The following CARMIL1 variants were observed in gnomAD, a reference collection of about 807,000 sequenced individuals.
CARMIL1 encodes capping protein regulator and myosin 1 linker 1.
CARMIL1 carries 90 observed loss-of-function variants against 177.1 expected under a neutral mutation model. The observed-to-expected ratio is 0.51, with a 90% CI of 0.43 to 0.61. CARMIL1 has a LOEUF of 0.61. CARMIL1 is among the 20% of genes least tolerant of loss of function. The pLI is 0.00. For synonymous variants in CARMIL1, 577 were observed against 606.2 expected (o/e 0.95, Z 0.71); for missense variants, 1,380 against 1,667.0 (o/e 0.83, Z 3.00).
intron 2 of CARMIL1, among the ~76,000 whole-genome samples, chr6:25,352,199 C>T (rs2150362080): frequency 6.6e-6 from 1 of 151,772 alleles, no homozygotes; most frequent in Middle Eastern, 3.4e-3. Context: ...ACATAAATGA[C>T]CCCAGATAAC....
intron 26 of CARMIL1, among the ~76,000 whole-genome samples, chr6:25,540,673 G>A (rs544815303): frequency 4.6e-4 from 70 of 152,254 alleles, no homozygotes; most frequent in African/African-American, 1.3e-3. Flanking sequence ...TCAAGAAACA[G>A]CTACACTAGA....
chr6:25,512,946 G>C (rs1805602122), intron 20 of CARMIL1, among the ~76,000 whole-genome samples: 1 of 152,156 alleles, frequency 6.6e-6, no homozygotes, highest in Non-Finnish European at 1.5e-5. Context: ...GAAATAGTAA[G>C]ATTTCAAATA....
At chr6:25,544,828 G>A (rs997970331) in intron 26 of CARMIL1, among the ~76,000 whole-genome samples, 16 of 152,186 alleles carry the variant, frequency 1.1e-4, no homozygotes, top group African/African-American at 3.1e-4. Flanking sequence ...CTGAAAGTGA[G>A]TGTATAAGTT....
intron 8 of CARMIL1, among the ~76,000 whole-genome samples, chr6:25,463,701 C>T (rs1800318215): frequency 6.6e-6 from 1 of 152,078 alleles, no homozygotes; most frequent in South Asian, 2.1e-4. Flanking sequence ...GAAGCTACAA[C>T]CTGTAATTAG....
intron 17 of CARMIL1, among the ~76,000 whole-genome samples, chr6:25,503,409 A>C (rs2151028353): frequency 6.6e-6 from 1 of 152,320 alleles, no homozygotes; most frequent in African/African-American, 2.4e-5. Flanking sequence ...CTAGATGTCC[A>C]CATTTAAGTA....
At chr6:25,356,030 C>A (rs1005410467) in intron 2 of CARMIL1, among the ~76,000 whole-genome samples, 4 of 150,008 alleles carry the variant, frequency 2.7e-5, no homozygotes, top group Non-Finnish European at 4.4e-5. Flanking sequence ...TTTGGCTGGA[C>A]TTTCCTCCTT....
intron 4 of CARMIL1, among the ~76,000 whole-genome samples, chr6:25,429,425 T>G (rs983118900): frequency 6.6e-6 from 1 of 152,160 alleles, no homozygotes; most frequent in Admixed American, 6.5e-5. Flanking sequence ...CAATGAAACA[T>G]CTAATAGGCT....
chr6:25,426,706 A>C lies in CARMIL1; in HGVS notation c.249+146A>C, dbSNP rs975920044. 8.0e-5 allele frequency: 49 copies of C among 614,182 alleles called. 1 individual carries two copies. In the South Asian group the frequency reaches 1.2e-3, roughly 15 times the overall value. 38.0% of individuals were successfully genotyped at this position (614,182 alleles called of 1,614,324 possible). A position where few individuals can be genotyped will look rare whatever the true frequency, so the allele number is the denominator to read the frequency against. On this transcript the variant is annotated intron_variant, in intron 4 of 36. Coordinates refer to ENST00000329474, the MANE Select transcript of CARMIL1 (RefSeq NM_017640.6). ...GAGACTCAACACTGGCTGTGTGGACAGGAGTTGGGAATTCATTCTGATAAG... is the reference window on the plus strand; with the variant it reads ...GAGACTCAACACTGGCTGTGTGGACCGGAGTTGGGAATTCATTCTGATAAG...
intron 26 of CARMIL1, among the ~76,000 whole-genome samples, chr6:25,544,061 G>A (rs1562270066): frequency 6.6e-6 from 1 of 152,174 alleles, no homozygotes; most frequent in Non-Finnish European, 1.5e-5. Context: ...GTTGTCTGAA[G>A]GTAGTAAAAC....
chr6:25,298,857 C>T (rs1319244911), intron 2 of CARMIL1, among the ~76,000 whole-genome samples: 1 of 151,056 alleles, frequency 6.6e-6, no homozygotes, highest in Non-Finnish European at 1.5e-5. Flanking sequence ...TGGGTTCAAG[C>T]GATTCTCCTG....
At chr6:25,323,558 A>G (rs1266806690) in intron 2 of CARMIL1, among the ~76,000 whole-genome samples, 1 of 152,128 alleles carries the variant, frequency 6.6e-6, no homozygotes, top group Non-Finnish European at 1.5e-5. Context: ...GCCATGAGCT[A>G]TGATCACACC....
intron 23 of CARMIL1, 82 bp from the exon 24 acceptor site, chr6:25,528,713 C>A: frequency 9.7e-7 from 1 of 1,032,498 alleles, no homozygotes; most frequent in Non-Finnish European, 1.5e-6. Flanking sequence ...TTTTTAAGTT[C>A]GGCAACTGAC....
chr6:25,449,433 C>T (rs1798570259), intron 5 of CARMIL1, among the ~76,000 whole-genome samples: 1 of 152,166 alleles, frequency 6.6e-6, no homozygotes. Context: ...CCAGAAGAAT[C>T]ATGGCCCAGG....
chr6:25,531,569 GAA>G (rs1807766357), intron 24 of CARMIL1, among the ~76,000 whole-genome samples: 1 of 152,190 alleles, frequency 6.6e-6, no homozygotes, highest in African/African-American at 2.4e-5. Flanking sequence ...GTGTTGAGAA[GAA>G]AAGTTATACT....
At chr6:25,599,800 G>T (rs771426245) in intron 32 of CARMIL1, among the ~76,000 whole-genome samples, 4 of 152,090 alleles carry the variant, frequency 2.6e-5, no homozygotes, top group Non-Finnish European at 4.4e-5. Flanking sequence ...GTGGGGTGCA[G>T]GTCTGTTGGT....
At chr6:25,471,103 A>G in intron 9 of CARMIL1, 66 bp from the exon 10 acceptor site, 1 of 1,087,774 alleles carries the variant, frequency 9.2e-7, no homozygotes, top group South Asian at 1.5e-5. Context: ...CATTGCATAG[A>G]TTTATAACAA....
chr6:25,510,395 GA>G, intron 18 of CARMIL1, 111 bp from the exon 19 acceptor site: 1 of 613,902 alleles, frequency 1.6e-6, no homozygotes, highest in Non-Finnish European at 2.8e-6. Flanking sequence ...GGCCCCTCAG[GA>G]AGGTAAAGGA....
chr6:25,431,466 A>C (rs1796781140), intron 4 of CARMIL1, among the ~76,000 whole-genome samples: 1 of 151,876 alleles, frequency 6.6e-6, no homozygotes. Context: ...TCGCAGCAAC[A>C]TATGTTTGCC....
At chr6:25,529,055 A>G (rs1028210774) in intron 24 of CARMIL1, among the ~76,000 whole-genome samples, 162 bp downstream of exon 24, 2 of 152,236 alleles carry the variant, frequency 1.3e-5, no homozygotes, top group African/African-American at 2.4e-5. Flanking sequence ...CTGAAGGAGG[A>G]AAAGGTAGGC....
Sources: allele counts gnomAD v4.1 joint callset (sites outside exome capture counted in the v4.1 genomes callset), GRCh38; gene constraint gnomAD v4.1.1; transcripts MANE v1.5; gene names NCBI Gene and HGNC (gene_info 2026-07-23, HGNC 2026-07-21).